The following KALRN variants were observed in gnomAD, a reference collection of about 807,000 sequenced individuals.
KALRN encodes the protein kalirin RhoGEF kinase.
A neutral mutation model predicts 353.7 loss-of-function variants in KALRN; 70 were observed. That is an observed-to-expected ratio of 0.20 (90% confidence interval 0.16 to 0.24). KALRN has a LOEUF of 0.24. KALRN is among the 10% of genes least tolerant of loss of function. The pLI, the probability that KALRN is intolerant of heterozygous loss-of-function variation, is 1.00. For missense variants in KALRN, 2,791 were observed against 3,756.7 expected (o/e 0.74, Z 6.72); for synonymous variants, 1,391 against 1,434.8 (o/e 0.97, Z 0.69).
At chr3:124,593,035 C>T (rs2075957148) in intron 34 of KALRN, among the ~76,000 whole-genome samples, 1 of 152,204 alleles carries the variant, frequency 6.6e-6, no homozygotes, top group Admixed American at 6.5e-5. Flanking sequence ...GGTATGTGCT[C>T]TTCCCAGCGC....
Position 124,718,906 on chromosome 3 carries a change from C to T in KALRN, c.8416-19C>T, listed in dbSNP as rs2150844425. The stretch of plus-strand genomic sequence containing the variant: ...CTAAACTTCCCTTCTTTTCTCCCTG[C>T]TTCCTTGGATCTCTGCAGCCTGAAA... On this transcript the variant is annotated intron_variant, in intron 59 of 59. Transcript: ENST00000682506. 6.2e-7 allele frequency: 1 copy of T among 1,609,510 alleles called. No homozygotes were observed. Among genetic ancestry groups the T allele is most frequent in the Non-Finnish European group, 8.5e-7 (1 of 1,176,304 alleles).
In KALRN at chr3:124,643,159, A is replaced by G. The variant is rs549643244; in HGVS notation, c.5664+5856A>G. ...TAAGAAGGTAAAAGTTTAGATTTCC[A>G]CCATTTTTTGTTTGTTTGTTTTTGT... On this transcript the variant is annotated intron_variant, in intron 37 of 59. Coordinates refer to ENST00000682506, the MANE Select transcript of KALRN (RefSeq NM_001388419.1). Among the ~76,000 whole-genome samples the G allele has an allele frequency of 1.4e-4, 21 of 151,998 alleles. No homozygotes were observed. The South Asian group carries it at 4.4e-3, about 32-fold the overall frequency.
intron 14 of KALRN, among the ~76,000 whole-genome samples, chr3:124,416,149 C>T (rs1380449860): frequency 1.3e-5 from 2 of 152,188 alleles, no homozygotes; most frequent in East Asian, 3.8e-4. Flanking sequence ...GGGATGCTCA[C>T]CCTTCATCTC....
intron 52 of KALRN, 35 bp from the exon 53 acceptor site, chr3:124,694,297 C>T: frequency 6.3e-7 from 1 of 1,596,516 alleles, no homozygotes; most frequent in African/African-American, 1.3e-5. Context: ...TAAATTTGCT[C>T]TGAATGATGT....
At chr3:124,387,250 C>T (rs2088510561) in intron 11 of KALRN, among the ~76,000 whole-genome samples, 1 of 152,100 alleles carries the variant, frequency 6.6e-6, no homozygotes, top group Non-Finnish European at 1.5e-5. Context: ...CGTGTTTGAA[C>T]CTGAGACTTG....
intron 33 of KALRN, among the ~76,000 whole-genome samples, chr3:124,497,888 C>T (rs1397823728): frequency 6.6e-6 from 1 of 152,208 alleles, no homozygotes; most frequent in Non-Finnish European, 1.5e-5. Flanking sequence ...GACTTTGACA[C>T]AGACCCCTAT....
intron 51 of KALRN, among the ~76,000 whole-genome samples, chr3:124,686,798 ATTTTT>A (rs10599336): frequency 0.033 from 2,335 of 70,478 alleles, 161 homozygotes; most frequent in East Asian, 0.19. Context: ...CACTGGTGAG[ATTTTT>A]TTTTTTTTTT....
chr3:124,687,492 A>G (rs2061617191), intron 51 of KALRN, among the ~76,000 whole-genome samples: 1 of 152,016 alleles, frequency 6.6e-6, no homozygotes, highest in African/African-American at 2.4e-5. Context: ...CCATATTTTC[A>G]TCCTTTTTAT....
chr3:124,050,425 G>A (rs1484102038), intron 1 of KALRN, among the ~76,000 whole-genome samples: 1 of 152,164 alleles, frequency 6.6e-6, no homozygotes, highest in Non-Finnish European at 1.5e-5. Flanking sequence ...CCAGTGCTGT[G>A]TTTTCATCTG....
intron 33 of KALRN, among the ~76,000 whole-genome samples, chr3:124,540,268 T>G (rs1196994769): frequency 6.6e-6 from 1 of 152,226 alleles, no homozygotes; most frequent in Non-Finnish European, 1.5e-5. Flanking sequence ...AAATGAGCTA[T>G]GCAAAGAAGT....
chr3:124,556,858 TTC>T (rs1323382926), intron 33 of KALRN, among the ~76,000 whole-genome samples: 1 of 152,210 alleles, frequency 6.6e-6, no homozygotes, highest in Non-Finnish European at 1.5e-5. Flanking sequence ...CGAATTTTCC[TTC>T]TGTTTCCTAT....
intron 5 of KALRN, among the ~76,000 whole-genome samples, chr3:124,286,062 TTTTCTTTCTTTCTTTCCTTCCTTTC>T (rs2075802027): frequency 7.3e-6 from 1 of 136,334 alleles, no homozygotes; most frequent in African/African-American, 2.7e-5. Flanking sequence ...CAGTGTGCTG[TTTTCTTTCTTTCTTTCCTTCCTTTC>T]TTTCTTTCTT....
intron 1 of KALRN, chr3:124,162,667 C>T (rs1231238510): frequency 6.6e-6 from 1 of 152,238 alleles, no homozygotes; most frequent in Admixed American, 6.5e-5. Context: ...TGTCTAGAAC[C>T]TAGAGAAGCA....
chr3:124,432,336 C>T (rs770859909), intron 16 of KALRN, among the ~76,000 whole-genome samples: 8 of 152,234 alleles, frequency 5.3e-5, no homozygotes, highest in Admixed American at 1.3e-4. Context: ...ATTGCTTGAA[C>T]CCAGGAGGTG....
intron 1 of KALRN, among the ~76,000 whole-genome samples, chr3:124,155,221 A>T (rs2068802930): frequency 6.6e-6 from 1 of 152,172 alleles, no homozygotes; most frequent in South Asian, 2.1e-4. Context: ...TGTCTAAAAC[A>T]CCAAAGGAAC....
At chr3:124,385,161 T>G (rs952358705) in intron 11 of KALRN, 125 bp downstream of exon 11, 260 of 737,936 alleles carry the variant, frequency 3.5e-4, no homozygotes, top group Non-Finnish European at 6.3e-5. Flanking sequence ...TTCCTAACTT[T>G]GGTAATATTA....
chr3:124,600,350 G>C (rs1202541436), intron 34 of KALRN, among the ~76,000 whole-genome samples: 1 of 152,186 alleles, frequency 6.6e-6, no homozygotes, highest in African/African-American at 2.4e-5. Flanking sequence ...CAGATCCTTG[G>C]TTTATGAGAT....
intron 5 of KALRN, among the ~76,000 whole-genome samples, chr3:124,297,030 A>G (rs1427842842): frequency 1.3e-5 from 2 of 152,228 alleles, no homozygotes; most frequent in Admixed American, 6.5e-5. Context: ...AGATTATAAT[A>G]AAGTTGTATC....
chr3:124,589,074 A>C (rs916491448), intron 34 of KALRN, among the ~76,000 whole-genome samples: 3 of 152,182 alleles, frequency 2.0e-5, no homozygotes, highest in Non-Finnish European at 2.9e-5. Context: ...GGCTTTGGGT[A>C]AGTGTATGGG....
Sources: allele counts gnomAD v4.1 joint callset (sites outside exome capture counted in the v4.1 genomes callset), GRCh38; gene constraint gnomAD v4.1.1; transcripts MANE v1.5; gene names NCBI Gene and HGNC (gene_info 2026-07-23, HGNC 2026-07-21).